ARHGAP44: variants seen among roughly 807,000 people sequenced by gnomAD.
ARHGAP44 encodes the protein Rho GTPase activating protein 44.
ARHGAP44 carries 43 observed loss-of-function variants against 106.8 expected under a neutral mutation model. The ratio of observed to expected loss-of-function variants is 0.40; its 90% CI spans 0.32 to 0.52. The LOEUF is 0.52. Ranked by LOEUF, ARHGAP44 falls within the 20% of genes least tolerant of loss-of-function variation. ARHGAP44 has a pLI of 0.48. For missense variants in ARHGAP44, 866 were observed against 1,050.5 expected, an observed-to-expected ratio of 0.82 and a Z score of 2.43; for synonymous variants, 439 against 410.3, an observed-to-expected ratio of 1.07 and a Z score of -0.85.
Position 12,853,431 on chromosome 17 carries a change from A to T in ARHGAP44, c.54-41509A>T, listed in dbSNP as rs139888206. Among the ~76,000 whole-genome samples the T allele has an allele frequency of 2.2e-3, 329 of 152,310 alleles. 1 individual carries two copies. Among genetic ancestry groups the T allele is most frequent in the Middle Eastern group, 6.8e-3 (2 of 294 alleles). On this transcript the variant is annotated intron_variant, in intron 1 of 20. Coordinates refer to ENST00000379672, the MANE Select transcript of ARHGAP44 (RefSeq NM_014859.6). ...CTACAGAAGGAGGTGGGGACAAAAC[A>T]TGTACTGCTAGAGTAGAGTGGAGAA...
intron 6 of ARHGAP44, among the ~76,000 whole-genome samples, chr17:12,921,741 A>G (rs531181618): frequency 7.9e-5 from 12 of 152,330 alleles, no homozygotes; most frequent in Admixed American, 7.8e-4. Flanking sequence ...AAGTCACTTA[A>G]TCTCCCAGAA....
chr17:12,810,492 G>T (rs762054162), intron 1 of ARHGAP44, among the ~76,000 whole-genome samples: 1 of 152,142 alleles, frequency 6.6e-6, no homozygotes, highest in African/African-American at 2.4e-5. Context: ...GAGGATGAGG[G>T]CTGGTCACCA....
chr17:12,843,043 C>G (rs1449592613), intron 1 of ARHGAP44, among the ~76,000 whole-genome samples: 3 of 151,818 alleles, frequency 2.0e-5, no homozygotes, highest in African/African-American at 7.2e-5. Context: ...ATTCATATAG[C>G]TCTCCTCTCT....
intron 6 of ARHGAP44, among the ~76,000 whole-genome samples, chr17:12,921,806 G>T (rs1405609409): frequency 6.6e-6 from 1 of 152,088 alleles, no homozygotes; most frequent in Admixed American, 6.6e-5. Context: ...GCTGTTTTGA[G>T]TACTAATATC....
intron 6 of ARHGAP44, among the ~76,000 whole-genome samples, chr17:12,924,027 T>C (rs185117798): frequency 3.3e-5 from 5 of 152,352 alleles, no homozygotes; most frequent in African/African-American, 1.2e-4. Context: ...TTATTTCATA[T>C]TGTTCTGTCC....
intron 1 of ARHGAP44, among the ~76,000 whole-genome samples, chr17:12,854,273 C>T (rs1382586150): frequency 6.6e-6 from 1 of 152,174 alleles, no homozygotes; most frequent in Non-Finnish European, 1.5e-5. Context: ...ACAGGGATGG[C>T]ATAAGGTTGG....
chr17:12,860,710 C>G (rs952013876), intron 1 of ARHGAP44, among the ~76,000 whole-genome samples: 1 of 152,146 alleles, frequency 6.6e-6, no homozygotes, highest in Non-Finnish European at 1.5e-5. Context: ...CTATCCCTTC[C>G]CTACTCTTGA....
chr17:12,804,201 A>G (rs763392371), intron 1 of ARHGAP44, among the ~76,000 whole-genome samples: 4 of 152,210 alleles, frequency 2.6e-5, no homozygotes, highest in Non-Finnish European at 5.9e-5. Flanking sequence ...AGAGGAGACA[A>G]AGAAGCAGCC....
At chr17:12,881,427 G>C (rs1021516276) in intron 1 of ARHGAP44, among the ~76,000 whole-genome samples, 20 of 151,890 alleles carry the variant, frequency 1.3e-4, no homozygotes, top group Admixed American at 3.9e-4. Context: ...AATAAGTCAT[G>C]TCTCCTCTTC....
At chr17:12,855,084 TAGA>T (rs1336018512) in intron 1 of ARHGAP44, among the ~76,000 whole-genome samples, 2 of 151,908 alleles carry the variant, frequency 1.3e-5, no homozygotes, top group Admixed American at 6.6e-5. Flanking sequence ...TGTTCAGCAG[TAGA>T]AGACCACCTT....
intron 18 of ARHGAP44, 45 bp from the exon 19 acceptor site, chr17:12,980,013 A>G (rs1355609863): frequency 6.5e-7 from 1 of 1,542,010 alleles, no homozygotes; most frequent in Admixed American, 2.0e-5. Context: ...GCTGCCGCTC[A>G]CTGAGTTCAG....
At position 12,789,864 on chromosome 17, in the gene ARHGAP44, G is replaced by A; in HGVS notation, c.26G>A (p.Arg9His). 1 of 1,520,922 alleles carries A rather than the reference G, an allele frequency of 6.6e-7. No homozygotes were observed. The highest frequency in any genetic ancestry group is 2.2e-5 in the Admixed American group (1 of 44,658). 94.2% of individuals were successfully genotyped at this position (1,520,922 alleles called of 1,614,324 possible). A position where few individuals can be genotyped will look rare whatever the true frequency, so the allele number is the denominator to read the frequency against. ...ATGAAGAAGCAGTTCAATCGCATGC[G>A]CCAGCTGGCCAACCAGACGGTGGGC... is the stretch of plus-strand genomic sequence containing the variant. The part of the protein sequence containing the change: MKKQFNRM[R>H]QLANQTVGRA... The change falls in exon 1 of 21, where the codon CGC becomes CAC. Residue 9 changes from arginine to histidine, a missense_variant. Physicochemically the swap from Arg to His is conservative, Grantham distance 29. This residue lies in a region of ARHGAP44 where 448 missense variants were observed against 646.9 expected (regional missense o/e 0.69). Coordinates refer to ENST00000379672, the MANE Select transcript of ARHGAP44 (RefSeq NM_014859.6).
intron 20 of ARHGAP44, chr17:12,985,189 C>T (rs1408239731): frequency 2.6e-6 from 1 of 385,746 alleles, no homozygotes; most frequent in Non-Finnish European, 4.6e-6. Flanking sequence ...GGGTTGAAGA[C>T]ACTGAGTCAT....
chr17:12,837,878 A>G (rs1219474497), intron 1 of ARHGAP44, among the ~76,000 whole-genome samples: 2 of 152,138 alleles, frequency 1.3e-5, no homozygotes, highest in African/African-American at 4.8e-5. Flanking sequence ...TTGAGTAATA[A>G]TCAGCATTAT....
At chr17:12,905,205 T>C (rs1195510454) in intron 3 of ARHGAP44, among the ~76,000 whole-genome samples, 1 of 152,010 alleles carries the variant, frequency 6.6e-6, no homozygotes, top group Admixed American at 6.6e-5. Flanking sequence ...TTAATTCTTT[T>C]CCTATAATAG....
At chr17:12,956,839 C>A in intron 15 of ARHGAP44, 93 bp downstream of exon 15, 2 of 1,048,220 alleles carry the variant, frequency 1.9e-6, no homozygotes, top group South Asian at 1.4e-5. Flanking sequence ...CCACTGCCCA[C>A]AGGCTTTTTT....
intron 6 of ARHGAP44, among the ~76,000 whole-genome samples, chr17:12,924,477 T>G (rs2038176640): frequency 6.6e-6 from 1 of 152,172 alleles, no homozygotes; most frequent in African/African-American, 2.4e-5. Flanking sequence ...TTTTTTCTGG[T>G]CATGTAGCTC....
Position 12,843,092 on chromosome 17 carries a change from G to GGCT in ARHGAP44, c.54-51848_54-51847insGCT, listed in dbSNP as rs1312998660. Among the ~76,000 whole-genome samples, 274 of 152,284 alleles carry GGCT rather than the reference G, an allele frequency of 1.8e-3. 5 individuals carry two copies. Among genetic ancestry groups the GGCT allele is most frequent in the East Asian group, 3.7e-3 (19 of 5,178 alleles). ...ACATTGTCAGCAACGGCCTATGGTG[G>GGCT]AAGCCTTGTGTAAATAAATGCTGTG... On this transcript the variant is annotated intron_variant, in intron 1 of 20. Coordinates refer to ENST00000379672, the MANE Select transcript of ARHGAP44 (RefSeq NM_014859.6).
Position 12,896,445 on chromosome 17 carries a change from C to T in ARHGAP44, c.132C>T (p.His44=), listed in dbSNP as rs1292334215. 8 of 1,609,350 alleles carry T rather than the reference C, an allele frequency of 5.0e-6. No individual in the cohort carries two copies. Among genetic ancestry groups the T allele is most frequent in the African/African-American group, 1.3e-5 (1 of 74,830 alleles). ...TGGAGCTGGTGAAACAGGTGTCCCA[C>T]AGCACGCACAAGAAGCTCACCGCAT... is the stretch of plus-strand genomic sequence containing the variant. ...KRLELVKQVS[H]STHKKLTACL... is the part of the protein sequence containing the mutation. Residue 44 remains histidine (H), a synonymous_variant, in exon 3 of 21, where the codon CAC becomes CAT. Coordinates refer to ENST00000379672, the MANE Select transcript of ARHGAP44 (RefSeq NM_014859.6).
Sources: allele counts gnomAD v4.1 joint callset (sites outside exome capture counted in the v4.1 genomes callset), GRCh38; gene constraint gnomAD v4.1.1; regional missense constraint gnomAD v4.1.1; transcripts MANE v1.5; gene names NCBI Gene and HGNC (gene_info 2026-07-23, HGNC 2026-07-21).